SLIT2: variants seen among roughly 807,000 people sequenced by gnomAD.
The protein encoded by SLIT2 is slit homolog 2 protein.
Under a neutral mutation model 185.7 loss-of-function variants are expected in SLIT2, and 41 were observed. That is an observed-to-expected ratio of 0.22 (90% confidence interval 0.17 to 0.29). The LOEUF (loss-of-function observed/expected upper bound fraction) is 0.29. Ranked by LOEUF, SLIT2 falls within the 10% of genes least tolerant of loss-of-function variation. SLIT2 has a pLI of 1.00. For synonymous variants in SLIT2, 693 were observed against 680.2 expected, an observed-to-expected ratio of 1.02 and a Z score of -0.29; for missense variants, 1,571 against 1,909.0, an observed-to-expected ratio of 0.82 and a Z score of 3.30.
At chr4:20,601,963 A>C (rs1728443339) in intron 33 of SLIT2, among the ~76,000 whole-genome samples, 1 of 152,190 alleles carries the variant, frequency 6.6e-6, no homozygotes, top group Non-Finnish European at 1.5e-5. Context: ...CAGGTGCATC[A>C]TTTCAATTGC....
rs1163707402 is a variant in SLIT2, at chr4:20,616,939, C to T, written c.3877C>T (p.Leu1293=). Residue 1293 remains leucine, a synonymous_variant, in exon 35 of 37, where the codon CTG becomes TTG. Transcript: ENST00000504154. The part of the protein sequence containing the change: ...GMPGKSNVAS[L]RQAPGQNGTS... ...GCCAGGGAAGAGTAACGTGGCATCT[C>T]TGCGCCAGGCCCCTGGGCAGAACGG... is the stretch of plus-strand genomic sequence containing the variant. 2 of 1,607,770 alleles carry T rather than the reference C, an allele frequency of 1.2e-6. No homozygotes were observed. The highest frequency in any genetic ancestry group is 1.7e-6 in the Non-Finnish European group (2 of 1,175,034).
chr4:20,460,052 C>T (rs543035971), intron 4 of SLIT2, among the ~76,000 whole-genome samples: 4 of 151,950 alleles, frequency 2.6e-5, no homozygotes, highest in South Asian at 2.1e-4. Flanking sequence ...TTAGTAGAGA[C>T]GAGTTTTCAC....
intron 30 of SLIT2, among the ~76,000 whole-genome samples, chr4:20,593,201 G>A (rs958836948): frequency 5.3e-5 from 8 of 151,976 alleles, no homozygotes; most frequent in African/African-American, 1.9e-4. Flanking sequence ...TTTATAGAAC[G>A]TGCATTATAT....
intron 4 of SLIT2, among the ~76,000 whole-genome samples, chr4:20,448,782 C>T (rs1440883392): frequency 2.0e-5 from 3 of 152,074 alleles, no homozygotes; most frequent in Non-Finnish European, 2.9e-5. Context: ...GGATTACAGG[C>T]GCACACCACC....
chr4:20,620,440 ACTT>A lies in SLIT2; in HGVS notation c.*1435_*1437del, dbSNP rs1167625626. The A allele has an allele frequency of 1.1e-5, 5 of 454,332 alleles. No homozygotes were observed. The highest frequency in any genetic ancestry group is 4.7e-5 in the Admixed American group (2 of 42,118). The allele number at this position is 454,332 out of a possible 1,614,324, so 28.1% of individuals were successfully genotyped here. The stretch of plus-strand genomic sequence containing the variant: ...AAGATGCAGATGTTTCTTCCTGAAA[ACTT>A]CTTTTTTTACAAAGAAAATTAGATG... On this transcript the variant is annotated 3_prime_UTR_variant, in exon 37 of 37. Coordinates refer to ENST00000504154, the MANE Select transcript of SLIT2 (RefSeq NM_004787.4).
chr4:20,598,151 T>C, intron 32 of SLIT2, 114 bp from the exon 33 acceptor site: 1 of 904,042 alleles, frequency 1.1e-6, no homozygotes, highest in Non-Finnish European at 1.6e-6. Flanking sequence ...CTCATAGCCA[T>C]CAGGAAAACA....
intron 4 of SLIT2, among the ~76,000 whole-genome samples, chr4:20,377,341 TTAAATGAACAAAAACTC>T (rs1419896788): frequency 2.6e-5 from 4 of 152,236 alleles, no homozygotes; most frequent in African/African-American, 9.6e-5. Context: ...AAGATTAAAA[TTAAATGAACAAAAACTC>T]TAACAATGTA....
chr4:20,352,024 C>T (rs979173404), intron 4 of SLIT2, among the ~76,000 whole-genome samples: 8 of 152,108 alleles, frequency 5.3e-5, no homozygotes, highest in South Asian at 4.1e-4. Context: ...TCTTACAGAG[C>T]GAGAATGACA....
chr4:20,431,339 G>C (rs1305316875), intron 4 of SLIT2, among the ~76,000 whole-genome samples: 1 of 152,148 alleles, frequency 6.6e-6, no homozygotes, highest in African/African-American at 2.4e-5. Context: ...TAGATGCTAG[G>C]AGGTAACAGT....
intron 9 of SLIT2, among the ~76,000 whole-genome samples, chr4:20,498,192 A>G (rs2148808740): frequency 6.6e-6 from 1 of 152,258 alleles, no homozygotes; most frequent in South Asian, 2.1e-4. Flanking sequence ...TAAATAAAAT[A>G]AAAAATAAAA....
chr4:20,524,967 T>G (rs1238449109), intron 14 of SLIT2, among the ~76,000 whole-genome samples, 182 bp from the exon 15 acceptor site: 1 of 152,202 alleles, frequency 6.6e-6, no homozygotes, highest in Non-Finnish European at 1.5e-5. Context: ...AGCTGGTTAT[T>G]GTCCATAATT....
intron 4 of SLIT2, among the ~76,000 whole-genome samples, chr4:20,276,561 G>A (rs577697722): frequency 1.3e-5 from 2 of 151,042 alleles, no homozygotes; most frequent in Non-Finnish European, 2.9e-5. Flanking sequence ...TTATAGCAAA[G>A]TATGGCAACT....
At chr4:20,437,287 C>A (rs940646708) in intron 4 of SLIT2, among the ~76,000 whole-genome samples, 1 of 152,122 alleles carries the variant, frequency 6.6e-6, no homozygotes, top group East Asian at 1.9e-4. Flanking sequence ...ATTTCCTTCT[C>A]ATGAATGTCA....
chr4:20,452,633 A>G (rs1712596132), intron 4 of SLIT2, among the ~76,000 whole-genome samples: 1 of 151,812 alleles, frequency 6.6e-6, no homozygotes, highest in South Asian at 2.1e-4. Flanking sequence ...TTTGTTTCCT[A>G]GGATATGGCC....
intron 4 of SLIT2, among the ~76,000 whole-genome samples, chr4:20,324,882 G>A (rs1270914405): frequency 3.3e-5 from 5 of 152,106 alleles, no homozygotes; most frequent in Non-Finnish European, 2.9e-5. Flanking sequence ...TGGTGCAAAA[G>A]TGCCACTTTT....
chr4:20,401,150 A>G (rs1190423008), intron 4 of SLIT2, among the ~76,000 whole-genome samples: 1 of 151,900 alleles, frequency 6.6e-6, no homozygotes, highest in Non-Finnish European at 1.5e-5. Context: ...GAAGTCAGAA[A>G]GCCTGATAGA....
intron 4 of SLIT2, among the ~76,000 whole-genome samples, chr4:20,379,719 A>G (rs970658840): frequency 6.6e-6 from 1 of 152,158 alleles, no homozygotes; most frequent in Non-Finnish European, 1.5e-5. Flanking sequence ...ATATGGAACA[A>G]TAGTTTCAGA....
intron 5 of SLIT2, 106 bp downstream of exon 5, chr4:20,467,929 A>G (rs989967444): frequency 7.0e-6 from 4 of 571,234 alleles, no homozygotes; most frequent in African/African-American, 3.8e-5. Flanking sequence ...AACCCTGTGT[A>G]TATTTATGCT....
At chr4:20,486,409 A>G (rs1190826326) in intron 7 of SLIT2, 138 bp downstream of exon 7, 3 of 585,980 alleles carry the variant, frequency 5.1e-6, no homozygotes, top group East Asian at 5.7e-5. Flanking sequence ...AAGACTAGAT[A>G]TGATATTTGT....
Sources: allele counts gnomAD v4.1 joint callset (sites outside exome capture counted in the v4.1 genomes callset), GRCh38; gene constraint gnomAD v4.1.1; transcripts MANE v1.5; gene names NCBI Gene and HGNC (gene_info 2026-07-23, HGNC 2026-07-21).